DLC1: variants seen among roughly 807,000 people sequenced by gnomAD.
DLC1 encodes the protein rho GTPase-activating protein 7.
DLC1 carries 54 observed loss-of-function variants against 140.3 expected under a neutral mutation model. The ratio of observed to expected loss-of-function variants is 0.38; its 90% confidence interval spans 0.31 to 0.48. The LOEUF is 0.48. Among genes scored for constraint, DLC1 ranks in the 20% least tolerant of loss-of-function variants. The pLI, the probability that DLC1 is intolerant of heterozygous loss-of-function variation, is 0.96. For synonymous variants in DLC1, 986 were observed against 728.1 expected (o/e 1.35, Z -5.70); for missense variants, 2,536 against 1,907.0 (o/e 1.33, Z -6.14).
chr8:13,452,000 G>T (rs1011046625), intron 2 of DLC1, among the ~76,000 whole-genome samples: 24 of 151,964 alleles, frequency 1.6e-4, no homozygotes, highest in African/African-American at 5.8e-4. Context: ...GAGTACGAGG[G>T]TTCTATTGGC....
At chr8:13,385,001 C>T (rs1836454319) in intron 4 of DLC1, among the ~76,000 whole-genome samples, 1 of 152,074 alleles carries the variant, frequency 6.6e-6, no homozygotes. Context: ...TCATGGATTA[C>T]TCAAAGAACA....
At chr8:13,242,896 C>A (rs1829602797) in intron 5 of DLC1, among the ~76,000 whole-genome samples, 1 of 151,774 alleles carries the variant, frequency 6.6e-6, no homozygotes, top group Non-Finnish European at 1.5e-5. Flanking sequence ...GATGCTGTGT[C>A]CCAAATCTCA....
intron 1 of DLC1, among the ~76,000 whole-genome samples, chr8:13,508,418 T>A (rs979951130): frequency 4.6e-5 from 2 of 43,012 alleles, no homozygotes; most frequent in Non-Finnish European, 3.1e-4. Context: ...TAGTAACTTC[T>A]TTTTCTTTTT....
At chr8:13,462,397 T>C (rs289531) in intron 2 of DLC1, among the ~76,000 whole-genome samples, 4,839 of 115,026 alleles carry the variant, frequency 0.042, 287 homozygotes, top group African/African-American at 0.16. Flanking sequence ...ATTACTATTC[T>C]TTTTTTTTTT....
chr8:13,353,422 T>A (rs1388151773), intron 4 of DLC1: 1 of 151,980 alleles, frequency 6.6e-6, no homozygotes, highest in African/African-American at 2.4e-5. Context: ...GTTGCCCCAT[T>A]GAGTAATGAT....
intron 5 of DLC1, chr8:13,116,219 A>G (rs919408645): frequency 4.8e-5 from 47 of 985,390 alleles, no homozygotes; most frequent in Non-Finnish European, 5.5e-5. Context: ...CAGGCTGTCA[A>G]GGAACATGGA....
At chr8:13,322,344 C>A (rs1833158068) in intron 4 of DLC1, among the ~76,000 whole-genome samples, 1 of 152,086 alleles carries the variant, frequency 6.6e-6, no homozygotes, top group South Asian at 2.1e-4. Context: ...AAGCTTCTAA[C>A]TCTATTTAAA....
chr8:13,160,726 T>A (rs1029941634), intron 5 of DLC1, among the ~76,000 whole-genome samples: 1 of 152,132 alleles, frequency 6.6e-6, no homozygotes, highest in African/African-American at 2.4e-5. Flanking sequence ...AGGTAATGAT[T>A]GATAATATCC....
At chr8:13,479,512 C>T (rs1252713900) in intron 2 of DLC1, among the ~76,000 whole-genome samples, 1 of 152,148 alleles carries the variant, frequency 6.6e-6, no homozygotes, top group Admixed American at 6.5e-5. Context: ...ATTTCTGAAG[C>T]TGATAAAAGT....
intron 12 of DLC1, 57 bp from the exon 13 acceptor site, chr8:13,092,882 G>A (rs1818197348): frequency 1.2e-5 from 18 of 1,545,704 alleles, no homozygotes; most frequent in Non-Finnish European, 1.5e-5. Flanking sequence ...GACATTGCAA[G>A]GAAATGTCCC....
chr8:13,243,109 GCAAAAAC>G (rs369097730), intron 5 of DLC1, among the ~76,000 whole-genome samples: 4,117 of 151,840 alleles, frequency 0.027, 179 homozygotes, highest in African/African-American at 0.094. Context: ...GGCCAACATG[GCAAAAAC>G]CCATCTCTAC....
At chr8:13,384,264 T>A (rs891651102) in intron 4 of DLC1, among the ~76,000 whole-genome samples, 2 of 152,170 alleles carry the variant, frequency 1.3e-5, no homozygotes, top group Non-Finnish European at 2.9e-5. Flanking sequence ...TAGCAAGTGA[T>A]GTATAGAATA....
chr8:13,265,819 T>C (rs1188387450), intron 5 of DLC1, among the ~76,000 whole-genome samples: 2 of 151,792 alleles, frequency 1.3e-5, no homozygotes, highest in Non-Finnish European at 2.9e-5. Flanking sequence ...CATCTTCCAG[T>C]TTATTAACAC....
chr8:13,425,349 A>G (rs1353162874), intron 2 of DLC1, among the ~76,000 whole-genome samples: 1 of 152,214 alleles, frequency 6.6e-6, no homozygotes, highest in African/African-American at 2.4e-5. Context: ...TGGCAGGGCA[A>G]GAAAATGGCA....
intron 2 of DLC1, among the ~76,000 whole-genome samples, chr8:13,452,551 C>G (rs746745153): frequency 2.0e-5 from 3 of 152,182 alleles, no homozygotes; most frequent in Non-Finnish European, 4.4e-5. Flanking sequence ...ATAGAACTAT[C>G]AGAAGAAAAT....
At chr8:13,512,957 C>G (rs1474522996) in intron 1 of DLC1, among the ~76,000 whole-genome samples, 3 of 121,124 alleles carry the variant, frequency 2.5e-5, no homozygotes, top group Non-Finnish European at 1.6e-5. Context: ...ACATTGGTGA[C>G]AGTTTTACCT....
chr8:13,382,465 G>T lies in DLC1; in HGVS notation c.1314+11088C>A, dbSNP rs931284223. Among the ~76,000 whole-genome samples, 4 of 123,878 alleles carry T rather than the reference G, an allele frequency of 3.2e-5. No individual in the cohort carries two copies. The Admixed American group carries it at 4.1e-4, about 13-fold the overall frequency. 81.3% of individuals were successfully genotyped at this position (123,878 alleles called of 152,430 possible). A position where few individuals can be genotyped will look rare whatever the true frequency, so the allele number is the denominator to read the frequency against. On this transcript the variant is annotated intron_variant, in intron 4 of 17. Coordinates refer to ENST00000276297, the MANE Select transcript of DLC1 (RefSeq NM_182643.3). ...GGAGCCTGCAGTGAGCCGAGATTGC[G>T]CCACTGCACTCCAGCCTGGGCGACA...
At chr8:13,348,279 C>A (rs1367674185) in intron 4 of DLC1, among the ~76,000 whole-genome samples, 5 of 152,062 alleles carry the variant, frequency 3.3e-5, no homozygotes, top group Non-Finnish European at 7.4e-5. Context: ...ATGAGAAGTT[C>A]CATGTTGCTG....
At chr8:13,228,583 A>G (rs537577086) in intron 5 of DLC1, among the ~76,000 whole-genome samples, 129 of 152,182 alleles carry the variant, frequency 8.5e-4, no homozygotes, top group Non-Finnish European at 1.6e-3. Context: ...AAAAAAAATA[A>G]AAATAAAAAT....
Sources: allele counts gnomAD v4.1 joint callset (sites outside exome capture counted in the v4.1 genomes callset), GRCh38; gene constraint gnomAD v4.1.1; transcripts MANE v1.5; gene names NCBI Gene and HGNC (gene_info 2026-07-23, HGNC 2026-07-21).